Variants in PRICKLE1 observed in about 807,000 individuals in gnomAD.
The protein encoded by PRICKLE1 is prickle-like protein 1.
A neutral mutation model predicts 70.2 loss-of-function variants in PRICKLE1; 14 were observed. The observed-to-expected ratio is 0.20, with a 90% CI of 0.13 to 0.31. The LOEUF (loss-of-function observed/expected upper bound fraction) is 0.31, where lower values mean the gene tolerates loss of function less well. Among genes scored for constraint, PRICKLE1 ranks in the 10% least tolerant of loss-of-function variants. PRICKLE1 has a pLI of 1.00. For synonymous variants in PRICKLE1, 357 were observed against 379.9 expected, an observed-to-expected ratio of 0.94 and a Z score of 0.70; for missense variants, 821 against 1,026.2, an observed-to-expected ratio of 0.80 and a Z score of 2.73.
In PRICKLE1 at chr12:42,469,685, A is replaced by G; in HGVS notation, c.247-98T>C. The G allele has an allele frequency of 1.8e-5, 27 of 1,508,776 alleles. No homozygotes were observed. The South Asian group carries it at 3.1e-4, about 17-fold the overall frequency. The allele number at this position is 1,508,776 out of a possible 1,614,324, so 93.5% of individuals were successfully genotyped here. ...TAGGGTTTCAGGAAGTGAAACAGTA[A>G]GTTTAGCTCGCCTGTGTCACACCCC... On this transcript the variant is annotated intron_variant, in intron 3 of 7. Coordinates refer to ENST00000345127, the MANE Select transcript of PRICKLE1 (RefSeq NM_153026.3).
intron 1 of PRICKLE1, among the ~76,000 whole-genome samples, chr12:42,512,336 A>G (rs972161726): frequency 1.6e-4 from 20 of 128,172 alleles, no homozygotes; most frequent in African/African-American, 4.9e-4. Flanking sequence ...ATGCCCAGCT[A>G]ATTTTTTTTG....
intron 1 of PRICKLE1, among the ~76,000 whole-genome samples, chr12:42,514,903 A>T (rs760767612): frequency 1.4e-5 from 1 of 73,174 alleles, no homozygotes; most frequent in Admixed American, 2.0e-4. Flanking sequence ...CTATCTATCT[A>T]TCTATCTATC....
rs180815992 is a variant in PRICKLE1, at chr12:42,563,959, T to C, written c.-49+25506A>G. Among the ~76,000 whole-genome samples the C allele has an allele frequency of 4.6e-3, 699 of 152,030 alleles. 1 individual carries two copies. The highest frequency in any genetic ancestry group is 0.016 in the African/African-American group (674 of 41,508). ...AACTTATGCCATCCTTCTCCCACTA[T>C]GAAAAATGTCTCTTTCCAGCCAAGT... is the stretch of plus-strand genomic sequence containing the variant. On this transcript the variant is annotated intron_variant, in intron 1 of 7. Coordinates refer to ENST00000345127, the MANE Select transcript of PRICKLE1 (RefSeq NM_153026.3).
At chr12:42,470,387 C>T in intron 2 of PRICKLE1, 28 bp from the exon 3 acceptor site, 2 of 1,394,360 alleles carry the variant, frequency 1.4e-6, no homozygotes, top group Non-Finnish European at 2.0e-6. Flanking sequence ...AGAATGGCAT[C>T]AACATACAGA....
intron 1 of PRICKLE1, among the ~76,000 whole-genome samples, chr12:42,477,002 A>T (rs1045332926): frequency 6.6e-6 from 1 of 152,176 alleles, no homozygotes; most frequent in Admixed American, 6.5e-5. Context: ...CTGAGAGTCT[A>T]TTCTTAAGTA....
At chr12:42,488,013 C>T (rs188548526) in intron 1 of PRICKLE1, among the ~76,000 whole-genome samples, 4 of 152,236 alleles carry the variant, frequency 2.6e-5, no homozygotes, top group Admixed American at 1.3e-4. Flanking sequence ...TACACTCCAG[C>T]CTAGGTGACA....
intron 1 of PRICKLE1, among the ~76,000 whole-genome samples, chr12:42,478,437 A>G (rs2140143789): frequency 6.6e-6 from 1 of 152,342 alleles, no homozygotes; most frequent in Admixed American, 6.5e-5. Flanking sequence ...GGGTTTGTTC[A>G]GGTTCCAAAT....
chr12:42,471,286 G>A (rs1447827972), intron 2 of PRICKLE1, among the ~76,000 whole-genome samples: 1 of 119,834 alleles, frequency 8.3e-6, no homozygotes, highest in Non-Finnish European at 1.9e-5. Flanking sequence ...TTTTTCTGAT[G>A]TCTTTAAAGG....
chr12:42,585,883 A>G (rs1239786233), intron 1 of PRICKLE1, among the ~76,000 whole-genome samples: 1 of 152,172 alleles, frequency 6.6e-6, no homozygotes, highest in East Asian at 1.9e-4. Flanking sequence ...GGGAAGTCAG[A>G]GGCTTGGGGC....
chr12:42,484,162 AG>A (rs1566096552), intron 1 of PRICKLE1: 1 of 147,354 alleles, frequency 6.8e-6, no homozygotes, highest in African/African-American at 2.5e-5. Flanking sequence ...CCCGCTTTCC[AG>A]GAACTGTCAC....
intron 1 of PRICKLE1, among the ~76,000 whole-genome samples, chr12:42,543,140 C>T (rs1184254158): frequency 6.6e-6 from 1 of 152,188 alleles, no homozygotes; most frequent in Non-Finnish European, 1.5e-5. Flanking sequence ...GTGAGAAATA[C>T]ATTTCTGTTG....
chr12:42,513,896 C>T (rs570803682), intron 1 of PRICKLE1, among the ~76,000 whole-genome samples: 119 of 152,070 alleles, frequency 7.8e-4, no homozygotes, highest in Non-Finnish European at 8.5e-4. Context: ...ACTTGGGAAG[C>T]TGAGGCAGGA....
chr12:42,568,183 T>C lies in PRICKLE1; in HGVS notation c.-49+21282A>G, dbSNP rs767313970. Among the ~76,000 whole-genome samples the C allele has an allele frequency of 4.8e-4, 73 of 152,340 alleles. No homozygotes were observed. The Middle Eastern group carries it at 0.01, about 21-fold the overall frequency. On this transcript the variant is annotated intron_variant, in intron 1 of 7. Transcript: ENST00000345127. ...TTTTTGCATTATTTTATTTTACATA[T>C]GTATTTTTTGAGATGGGGTCTGGCT...
At chr12:42,524,516 C>T (rs568291552) in intron 1 of PRICKLE1, among the ~76,000 whole-genome samples, 2 of 152,242 alleles carry the variant, frequency 1.3e-5, no homozygotes, top group Admixed American at 6.5e-5. Flanking sequence ...TGGGTTCAAG[C>T]GATTCTCCTG....
chr12:42,461,469 T>C (rs1937832265), intron 7 of PRICKLE1, among the ~76,000 whole-genome samples: 1 of 152,212 alleles, frequency 6.6e-6, no homozygotes, highest in African/African-American at 2.4e-5. Context: ...TCAAGTTTTA[T>C]TGGAACAGCC....
chr12:42,518,170 C>T (rs1017955592), intron 1 of PRICKLE1, among the ~76,000 whole-genome samples: 9 of 151,462 alleles, frequency 5.9e-5, no homozygotes, highest in African/African-American at 2.2e-4. Context: ...CAGCCTCCTG[C>T]GTAGCTGGAA....
chr12:42,504,611 G>T (rs1178832108), intron 1 of PRICKLE1, among the ~76,000 whole-genome samples: 1 of 152,154 alleles, frequency 6.6e-6, no homozygotes, highest in Non-Finnish European at 1.5e-5. Flanking sequence ...TAACTTAGGG[G>T]GAAAATGGTG....
At chr12:42,539,072 A>C (rs1566118545) in intron 1 of PRICKLE1, among the ~76,000 whole-genome samples, 1 of 152,226 alleles carries the variant, frequency 6.6e-6, no homozygotes, top group Non-Finnish European at 1.5e-5. Flanking sequence ...ATATAATGTA[A>C]TTTGATAGCT....
chr12:42,568,407 C>T (rs1415471837), intron 1 of PRICKLE1, among the ~76,000 whole-genome samples: 1 of 152,230 alleles, frequency 6.6e-6, no homozygotes, highest in East Asian at 1.9e-4. Flanking sequence ...AACTCCTGAG[C>T]TCAAGTGACC....
Sources: allele counts gnomAD v4.1 joint callset (sites outside exome capture counted in the v4.1 genomes callset), GRCh38; gene constraint gnomAD v4.1.1; transcripts MANE v1.5; gene names NCBI Gene and HGNC (gene_info 2026-07-23, HGNC 2026-07-21).